The following OLFML2A variants were observed in gnomAD, a reference collection of about 807,000 sequenced individuals.
OLFML2A encodes olfactomedin like 2A.
A neutral mutation model predicts 60.9 loss-of-function variants in OLFML2A; 47 were observed. The ratio of observed to expected loss-of-function variants is 0.77; its 90% confidence interval spans 0.61 to 0.98. The LOEUF is 0.98. Among genes scored for constraint, OLFML2A ranks in the 50% least tolerant of loss-of-function variants. The pLI, the probability that OLFML2A is intolerant of heterozygous loss-of-function variation, is 0.00. For missense variants in OLFML2A, 922 were observed against 879.8 expected (o/e 1.05, Z -0.61); for synonymous variants, 372 against 375.0 (o/e 0.99, Z 0.09).
intron 3 of OLFML2A, among the ~76,000 whole-genome samples, chr9:124,798,930 C>G (rs1324536489): frequency 6.6e-6 from 1 of 151,990 alleles, no homozygotes; most frequent in Non-Finnish European, 1.5e-5. Flanking sequence ...TACATGTGTT[C>G]CCGTAAATAT....
chr9:124,809,947 C>T lies in OLFML2A; in HGVS notation c.1494C>T (p.Ser498=). 6.2e-7 allele frequency: 1 copy of T among 1,614,192 alleles called. No homozygotes were observed. The highest frequency in any genetic ancestry group is 8.5e-7 in the Non-Finnish European group (1 of 1,180,030). Residue 498 remains serine, a synonymous_variant, in exon 8 of 8, where the codon TCC becomes TCT. Coordinates refer to ENST00000373580, the MANE Select transcript of OLFML2A (RefSeq NM_182487.4). ...ACCTACGGCAGCGCTTCGTGGCCTC[C>T]TGGGCGCTGCTGCCCGACGTGGTAT... ...KYDLRQRFVA[S]WALLPDVVYE...
At chr9:124,786,406 G>C (rs1282847501) in intron 1 of OLFML2A, among the ~76,000 whole-genome samples, 2 of 151,906 alleles carry the variant, frequency 1.3e-5, no homozygotes, top group Non-Finnish European at 2.9e-5. Context: ...CTGGGCAACA[G>C]AGAGAGAGCC....
At chr9:124,800,995 G>A (rs1841762991) in intron 4 of OLFML2A, 5 of 1,550,716 alleles carry the variant, frequency 3.2e-6, no homozygotes. Context: ...GGATGAGTTG[G>A]TCACCTTGCC....
chr9:124,801,078 A>G (rs1378823357), intron 4 of OLFML2A: 1 of 1,549,606 alleles, frequency 6.5e-7, no homozygotes, highest in Non-Finnish European at 8.7e-7. Flanking sequence ...TGGGAAGGTG[A>G]GCAGGTGGAG....
intron 1 of OLFML2A, among the ~76,000 whole-genome samples, chr9:124,783,186 G>A (rs1841394422): frequency 6.6e-6 from 1 of 152,024 alleles, no homozygotes; most frequent in African/African-American, 2.4e-5. Flanking sequence ...AGAAAAAGCA[G>A]TGGGGGCAGG....
intron 1 of OLFML2A, among the ~76,000 whole-genome samples, chr9:124,783,162 C>T (rs1841393636): frequency 1.3e-5 from 2 of 151,974 alleles, no homozygotes; most frequent in East Asian, 1.9e-4. Flanking sequence ...TTCCCCTGCC[C>T]CTCCGCAGGC....
chr9:124,799,379 C>A lies in OLFML2A; in HGVS notation c.557C>A (p.Ala186Asp). Residue 186 changes from alanine to aspartate, a missense_variant, in exon 4 of 8, where the codon GCC becomes GAC. Physicochemically the swap from Ala to Asp is moderately radical, Grantham distance 126. Coordinates refer to ENST00000373580, the MANE Select transcript of OLFML2A (RefSeq NM_182487.4). ...EQLRHYENHS[A>D]IMLGIKKELS... ...TTGAGGCACTATGAGAATCACTCTG[C>A]CATCATGCTGGGCATCAAGAAGGAG... 6.2e-7 allele frequency: 1 copy of A among 1,613,824 alleles called. No homozygotes were observed.
intron 3 of OLFML2A, 134 bp downstream of exon 3, chr9:124,795,265 G>C: frequency 1.7e-6 from 1 of 579,930 alleles, no homozygotes; most frequent in Non-Finnish European, 3.2e-6. Flanking sequence ...GGAGCTGGGG[G>C]AGGGAAATGC....
chr9:124,781,910 A>C (rs1841367158), intron 1 of OLFML2A, among the ~76,000 whole-genome samples: 1 of 152,204 alleles, frequency 6.6e-6, no homozygotes, highest in Admixed American at 6.5e-5. Flanking sequence ...AAAATCTCAA[A>C]TACACCTTCA....
intron 7 of OLFML2A, 142 bp downstream of exon 7, chr9:124,808,108 G>A: frequency 1.5e-6 from 1 of 662,614 alleles, no homozygotes; most frequent in Admixed American, 2.9e-5. Context: ...CCCCAAGGAG[G>A]GGGTTCTGGG....
At chr9:124,802,986 G>A (rs1354680230) in intron 5 of OLFML2A, among the ~76,000 whole-genome samples, 1 of 151,908 alleles carries the variant, frequency 6.6e-6, no homozygotes, top group Non-Finnish European at 1.5e-5. Flanking sequence ...TCAGCTCACT[G>A]CACCCTCTGC....
chr9:124,814,385 T>G lies in OLFML2A; in HGVS notation c.*3973T>G, dbSNP rs996187568. ...TTCTCTCCCGCTCAGGGTAGGGCTGTGAACTCCCTCTTACAGCTAAGAACA... is the reference window on the plus strand; with the variant it reads ...TTCTCTCCCGCTCAGGGTAGGGCTGGGAACTCCCTCTTACAGCTAAGAACA... On this transcript the variant is annotated 3_prime_UTR_variant, in exon 8 of 8. Transcript: ENST00000373580. 3.3e-5 allele frequency: 5 copies of G among 152,244 alleles called. No homozygotes were observed. Among genetic ancestry groups the G allele is most frequent in the Admixed American group, 3.3e-4 (5 of 15,286 alleles). 9.4% of individuals were successfully genotyped at this position (152,244 alleles called of 1,614,324 possible). A position where few individuals can be genotyped will look rare whatever the true frequency, so the allele number is the denominator to read the frequency against.
rs200132948 is a variant in OLFML2A, at chr9:124,782,108, G to GT, written c.90+4749dup. 3.5e-4 allele frequency among the ~76,000 whole-genome samples: 54 copies of GT among 152,350 alleles called. No homozygotes were observed. The East Asian group carries it at 9.8e-3, about 28-fold the overall frequency. On this transcript the variant is annotated intron_variant, in intron 1 of 7. Coordinates refer to ENST00000373580, the MANE Select transcript of OLFML2A (RefSeq NM_182487.4). The stretch of plus-strand genomic sequence containing the variant: ...CCAAGGGCAGGGTGGGCTGGGCCTA[G>GT]TAGGAGCCTCAGGTTCTATGCCCCC...
chr9:124,795,007 C>T lies in OLFML2A; in HGVS notation c.355-17C>T. On this transcript the variant is annotated splice_polypyrimidine_tract_variant and intron_variant, in intron 2 of 7. Transcript: ENST00000373580. ...TGTGCTGCACTCTTTGCCTAACCAT[C>T]CCCCTTCCCCGGGCAGCTGCAGTCC... 1 of 1,512,342 alleles carries T rather than the reference C, an allele frequency of 6.6e-7. No individual in the cohort carries two copies. Among genetic ancestry groups the T allele is most frequent in the Non-Finnish European group, 9.1e-7 (1 of 1,099,002 alleles). The allele number at this position is 1,512,342 out of a possible 1,614,324, so 93.7% of individuals were successfully genotyped here.
intron 2 of OLFML2A, among the ~76,000 whole-genome samples, chr9:124,792,718 A>G (rs1273688045): frequency 6.6e-6 from 1 of 152,148 alleles, no homozygotes; most frequent in Non-Finnish European, 1.5e-5. Context: ...GGATCTTCCC[A>G]TGTAGCCCCT....
At position 124,807,911 on chromosome 9, in the gene OLFML2A, C is replaced by T; in HGVS notation, c.1299C>T (p.Asn433=). Residue 433 remains asparagine (N), a synonymous_variant, in exon 7 of 8, where the codon AAC becomes AAT. Coordinates refer to ENST00000373580, the MANE Select transcript of OLFML2A (RefSeq NM_182487.4). ...AARDDRIYVT[N]YYYGNSLVEF... is the part of the protein sequence containing the mutation. ...GAGACGACAGGATCTATGTCACCAA[C>T]TACTACTATGGAAACAGCCTGGTGG... is the stretch of plus-strand genomic sequence containing the variant. 1 of 1,614,174 alleles carries T rather than the reference C, an allele frequency of 6.2e-7. No individual in the cohort carries two copies. The highest frequency in any genetic ancestry group is 8.5e-7 in the Non-Finnish European group (1 of 1,180,008).
At chr9:124,809,080 T>C (rs1841953682) in intron 7 of OLFML2A, among the ~76,000 whole-genome samples, 1 of 151,652 alleles carries the variant, frequency 6.6e-6, no homozygotes, top group African/African-American at 2.4e-5. Flanking sequence ...GGCAGGAGAA[T>C]TGCTTGAACC....
At chr9:124,804,003 G>A in intron 5 of OLFML2A, 91 bp from the exon 6 acceptor site, 7 of 1,442,962 alleles carry the variant, frequency 4.9e-6, no homozygotes, top group Non-Finnish European at 6.6e-6. Context: ...CTCCCTGAGG[G>A]CCCCTGAGAT....
At chr9:124,793,661 AC>A (rs1471320430) in intron 2 of OLFML2A, among the ~76,000 whole-genome samples, 1 of 152,152 alleles carries the variant, frequency 6.6e-6, no homozygotes, top group African/African-American at 2.4e-5. Context: ...AGTTGTCCAT[AC>A]CTGGTGTTAG....
Sources: gnomAD v4.1 joint callset for allele counts (sites outside exome capture counted in the v4.1 genomes callset) on GRCh38, gnomAD v4.1.1 for gene constraint, MANE v1.5 for transcripts, NCBI Gene and HGNC (gene_info 2026-07-23, HGNC 2026-07-21) for gene names.